DPP10: variants seen among roughly 807,000 people sequenced by gnomAD.
DPP10 encodes dipeptidyl peptidase like 10, also known as inactive dipeptidyl peptidase 10.
In DPP10, 33 loss-of-function variants were observed where a neutral mutation model predicts 120.9. The ratio of observed to expected loss-of-function variants is 0.27; its 90% confidence interval spans 0.21 to 0.37. The LOEUF is 0.37. Ranked by LOEUF, DPP10 falls within the 10% of genes least tolerant of loss-of-function variation. The pLI is 1.00. For synonymous variants in DPP10, 337 were observed against 326.1 expected (o/e 1.03, Z -0.36); for missense variants, 816 against 942.8 (o/e 0.87, Z 1.76).
rs1245184526 is a variant in DPP10 at position 114,723,303 on chromosome 2, G to A, written c.60+280465G>A. 2.6e-5 allele frequency among the ~76,000 whole-genome samples: 4 copies of A among 152,180 alleles called. No individual in the cohort carries two copies. In the East Asian group the frequency reaches 7.7e-4, roughly 29 times the overall value. On this transcript the variant is annotated intron_variant, in intron 1 of 25. Coordinates refer to ENST00000410059, the MANE Select transcript of DPP10 (RefSeq NM_020868.6). ...CATAAATGTTTAGCCTTATCAGTCA[G>A]CACCATATTGGGAATGAATAAGCAC...
In DPP10 at chr2:114,602,135, T is replaced by C. The variant is rs963545863; in HGVS notation, c.60+159297T>C. Among the ~76,000 whole-genome samples, 9 of 152,016 alleles carry C rather than the reference T, an allele frequency of 5.9e-5. No individual in the cohort carries two copies. The South Asian group carries it at 1.9e-3, about 32-fold the overall frequency. Reference sequence around the variant, plus strand: ...TATTTTCATAGGAAAATACCAATGGTATTTTTTGTGGCAGTTAATACACAT... The same window carrying C: ...TATTTTCATAGGAAAATACCAATGGCATTTTTTGTGGCAGTTAATACACAT... On this transcript the variant is annotated intron_variant, in intron 1 of 25. Transcript: ENST00000410059.
intron 5 of DPP10, among the ~76,000 whole-genome samples, chr2:115,530,575 T>G (rs1028563927): frequency 5.9e-5 from 9 of 151,780 alleles, no homozygotes; most frequent in Non-Finnish European, 2.9e-5. Context: ...CCAGCTACTT[T>G]GGAGGCTGAG....
chr2:114,576,789 CT>C (rs1690085019), intron 1 of DPP10, among the ~76,000 whole-genome samples: 2 of 152,178 alleles, frequency 1.3e-5, no homozygotes, highest in South Asian at 4.1e-4. Flanking sequence ...AAGATATGTT[CT>C]TTGGCATGTC....
In DPP10 at chr2:114,490,034, A is replaced by G. The variant is rs1041277807; in HGVS notation, c.60+47196A>G. ...TCTATTTGCTGGTCCAATAATTTTT[A>G]TAAGACCAGTATGACTTCTCCACCA... On this transcript the variant is annotated intron_variant, in intron 1 of 25. Coordinates refer to ENST00000410059, the MANE Select transcript of DPP10 (RefSeq NM_020868.6). Among the ~76,000 whole-genome samples, 3 of 152,226 alleles carry G rather than the reference A, an allele frequency of 2.0e-5. No individual in the cohort carries two copies. In the East Asian group the frequency reaches 5.8e-4, roughly 29 times the overall value.
At chr2:115,012,880 C>T (rs1702365405) in intron 1 of DPP10, among the ~76,000 whole-genome samples, 1 of 151,966 alleles carries the variant, frequency 6.6e-6, no homozygotes, top group African/African-American at 2.4e-5. Flanking sequence ...CAAAGAGGCA[C>T]CAGAGAAAGG....
intron 2 of DPP10, among the ~76,000 whole-genome samples, chr2:115,315,933 T>C (rs968028622): frequency 6.6e-6 from 1 of 152,110 alleles, no homozygotes; most frequent in African/African-American, 2.4e-5. Flanking sequence ...TAAAAACAGT[T>C]ACTTTTTTGT....
chr2:115,316,476 A>G (rs1239707586), intron 2 of DPP10, among the ~76,000 whole-genome samples: 1 of 152,192 alleles, frequency 6.6e-6, no homozygotes, highest in Non-Finnish European at 1.5e-5. Flanking sequence ...GCAGAGAAAG[A>G]ATTCAGCTGA....
chr2:115,544,655 G>T (rs1343952993), intron 5 of DPP10, among the ~76,000 whole-genome samples: 6 of 151,980 alleles, frequency 3.9e-5, no homozygotes, highest in Non-Finnish European at 8.8e-5. Context: ...CTTATTTTAA[G>T]GGTCAAAGCT....
chr2:114,883,979 A>G (rs1260496652), intron 1 of DPP10, among the ~76,000 whole-genome samples: 1 of 152,256 alleles, frequency 6.6e-6, no homozygotes, highest in Non-Finnish European at 1.5e-5. Flanking sequence ...AGAAATTAGA[A>G]ATACTGGAGC....
At chr2:115,642,506 T>C (rs555244477) in intron 5 of DPP10, among the ~76,000 whole-genome samples, 1 of 152,284 alleles carries the variant, frequency 6.6e-6, no homozygotes, top group South Asian at 2.1e-4. Context: ...TCTGTGCCAT[T>C]AGATTTTGGA....
chr2:114,856,406 A>G (rs1159307020), intron 1 of DPP10, among the ~76,000 whole-genome samples: 1 of 152,242 alleles, frequency 6.6e-6, no homozygotes, highest in African/African-American at 2.4e-5. Flanking sequence ...TTCTAAGTTT[A>G]CGTAGAGACA....
At chr2:114,474,230 G>A (rs944923307) in intron 1 of DPP10, among the ~76,000 whole-genome samples, 3 of 152,208 alleles carry the variant, frequency 2.0e-5, no homozygotes, top group African/African-American at 7.2e-5. Flanking sequence ...TGCTGGGACT[G>A]TAGGCATGAG....
chr2:115,507,024 A>C lies in DPP10; in HGVS notation c.366+7420A>C, dbSNP rs557360530. Reference sequence around the variant, plus strand: ...TAACAACCTTGGCTGCATTACACACACACGCACGCGCACACACACACACAC... The same window carrying C: ...TAACAACCTTGGCTGCATTACACACCCACGCACGCGCACACACACACACAC... On this transcript the variant is annotated intron_variant, in intron 4 of 25. Transcript: ENST00000410059. 4.5e-5 allele frequency among the ~76,000 whole-genome samples: 6 copies of C among 134,792 alleles called. No homozygotes were observed. In the South Asian group the frequency reaches 1.5e-3, roughly 33 times the overall value. 88.4% of individuals were successfully genotyped at this position (134,792 alleles called of 152,430 possible).
intron 1 of DPP10, among the ~76,000 whole-genome samples, chr2:115,269,436 G>A (rs1395493233): frequency 6.6e-6 from 1 of 152,046 alleles, no homozygotes; most frequent in African/African-American, 2.4e-5. Flanking sequence ...CTAATTTAAG[G>A]TCTCTAAAAT....
chr2:115,408,431 G>T lies in DPP10; in HGVS notation c.271+64519G>T, dbSNP rs897180120. 9.9e-5 allele frequency among the ~76,000 whole-genome samples: 15 copies of T among 152,018 alleles called. No homozygotes were observed. In the South Asian group the frequency reaches 1.2e-3, roughly 13 times the overall value. On this transcript the variant is annotated intron_variant, in intron 3 of 25. Coordinates refer to ENST00000410059, the MANE Select transcript of DPP10 (RefSeq NM_020868.6). ...GTCTTGAAGGTGGGCTTTTGCTGGG[G>T]GACCTTTGGCTGCCTCCTGTCTCTG...
intron 1 of DPP10, among the ~76,000 whole-genome samples, chr2:115,128,584 A>T (rs940203265): frequency 1.3e-5 from 2 of 152,248 alleles, no homozygotes; most frequent in African/African-American, 4.8e-5. Flanking sequence ...AAACAAAATT[A>T]ACCAGATTTA....
At chr2:114,791,781 C>G (rs1683263958) in intron 1 of DPP10, among the ~76,000 whole-genome samples, 1 of 152,106 alleles carries the variant, frequency 6.6e-6, no homozygotes, top group Non-Finnish European at 1.5e-5. Flanking sequence ...ACTTGCTACT[C>G]CATTCCAATA....
At chr2:115,508,579 G>T (rs187591289) in intron 4 of DPP10, among the ~76,000 whole-genome samples, 1 of 152,134 alleles carries the variant, frequency 6.6e-6, no homozygotes, top group African/African-American at 2.4e-5. Flanking sequence ...GGCTGTATCT[G>T]TTTTAAATAA....
intron 1 of DPP10, among the ~76,000 whole-genome samples, chr2:115,254,150 A>G (rs546707886): frequency 2.6e-5 from 4 of 152,330 alleles, no homozygotes; most frequent in African/African-American, 9.6e-5. Flanking sequence ...TTATAAGGAA[A>G]GAGGTTTAAT....
Sources: allele counts gnomAD v4.1 joint callset (sites outside exome capture counted in the v4.1 genomes callset), GRCh38; gene constraint gnomAD v4.1.1; transcripts MANE v1.5; gene names NCBI Gene and HGNC (gene_info 2026-07-23, HGNC 2026-07-21).